The following PRICKLE2 variants were observed in gnomAD, a reference collection of about 807,000 sequenced individuals.
PRICKLE2 encodes prickle-like protein 2.
Under a neutral mutation model 81.4 loss-of-function variants are expected in PRICKLE2, and 21 were observed. That is an observed-to-expected ratio of 0.26 (90% CI 0.18 to 0.37). PRICKLE2 has a LOEUF of 0.37. Among genes scored for constraint, PRICKLE2 ranks in the 10% least tolerant of loss-of-function variants. The pLI is 1.00. For synonymous variants in PRICKLE2, 456 were observed against 421.5 expected (o/e 1.08, Z -1.00); for missense variants, 940 against 1,109.0 (o/e 0.85, Z 2.16).
chr3:64,185,785 G>A (rs757153668), intron 2 of PRICKLE2, among the ~76,000 whole-genome samples: 9 of 152,202 alleles, frequency 5.9e-5, no homozygotes, highest in Non-Finnish European at 7.4e-5. Flanking sequence ...TCACTTTATC[G>A]AGGTATCAAC....
chr3:64,226,953 TC>T (rs1478746551), upstream of PRICKLE2, among the ~76,000 whole-genome samples: 1 of 152,220 alleles, frequency 6.6e-6, no homozygotes, highest in African/African-American at 2.4e-5. Context: ...CTAGCACGGC[TC>T]CTTGCCCACA....
At position 64,099,526 on chromosome 3, in the gene PRICKLE2, G is replaced by T. The variant is rs145080657; in HGVS notation, c.2060C>A (p.Ser687Tyr). ...DDNRRFRPHR[S>Y]RRSRRSRSDN... ...GGAGCGAGAGCGTCGGGAACGCCTG[G>T]ACCTGTGAGGTCGGAAACGGCGGTT... The change falls in exon 8 of 8, where the codon TCC becomes TAC. Residue 687 changes from serine to tyrosine, a missense_variant. This residue lies in a region of PRICKLE2 where 670 missense variants were observed against 717.2 expected (regional missense o/e 0.93). Transcript: ENST00000638394. The surrounding 1 kb of genome is among the most constrained non-coding windows in gnomAD (Gnocchi z 4.3). 1 of 1,608,166 alleles carries T rather than the reference G, an allele frequency of 6.2e-7. No individual in the cohort carries two copies. Among genetic ancestry groups the T allele is most frequent in the Non-Finnish European group, 8.5e-7 (1 of 1,175,184 alleles).
intron 7 of PRICKLE2, among the ~76,000 whole-genome samples, chr3:64,136,374 G>C (rs573542299): frequency 1.3e-5 from 2 of 150,976 alleles, no homozygotes; most frequent in African/African-American, 4.9e-5. Context: ...GTGTGTGTTC[G>C]AAATGCTGAT....
chr3:64,263,182 G>A (rs543639415), intron 2 of PRICKLE2, among the ~76,000 whole-genome samples: 2 of 152,284 alleles, frequency 1.3e-5, no homozygotes, highest in South Asian at 4.1e-4. Context: ...CAATATCACA[G>A]TAAGAGAACC....
chr3:64,140,824 T>A (rs536334839), intron 7 of PRICKLE2, among the ~76,000 whole-genome samples: 131 of 152,242 alleles, frequency 8.6e-4, no homozygotes, highest in African/African-American at 3.1e-3. Flanking sequence ...TGCTTCTCTT[T>A]AGCATTGGCA....
chr3:64,251,163 G>A (rs966368017), intron 2 of PRICKLE2, among the ~76,000 whole-genome samples: 8 of 152,198 alleles, frequency 5.3e-5, no homozygotes, highest in Non-Finnish European at 8.8e-5. Context: ...CCCAGTCTGA[G>A]GGAGGCTGGT....
chr3:64,207,748 C>A (rs1379866272), intron 1 of PRICKLE2, among the ~76,000 whole-genome samples: 1 of 152,084 alleles, frequency 6.6e-6, no homozygotes, highest in Non-Finnish European at 1.5e-5. Context: ...ATCTGACAAC[C>A]AGATTTCACT....
rs943621420 is a variant in PRICKLE2, at chr3:64,247,379, T to C, written c.129-48412A>G. Among the ~76,000 whole-genome samples the C allele has an allele frequency of 2.6e-5, 4 of 152,338 alleles. No individual in the cohort carries two copies. In the East Asian group the frequency reaches 5.8e-4, roughly 22 times the overall value. The stretch of plus-strand genomic sequence containing the variant: ...ACTACCTTTCCATGTATTTATAGGC[T>C]ACAGATTATCCTTAAGTATTCTGAT... On this transcript the variant is annotated intron_variant, in intron 2 of 8. Transcript: ENST00000295902.
chr3:64,237,322 T>C (rs1462495877), intron 2 of PRICKLE2, among the ~76,000 whole-genome samples: 3 of 152,010 alleles, frequency 2.0e-5, no homozygotes, highest in Non-Finnish European at 4.4e-5. Context: ...CACAAATGAA[T>C]TGAAGATAAT....
chr3:64,219,711 A>C (rs1376663394), intron 1 of PRICKLE2, among the ~76,000 whole-genome samples: 1 of 152,232 alleles, frequency 6.6e-6, no homozygotes, highest in Non-Finnish European at 1.5e-5. Context: ...AGGGATTCAT[A>C]AAGGAGCTAT....
At position 64,095,835 on chromosome 3, in the gene PRICKLE2, T is replaced by G. The variant is rs1167355524; in HGVS notation, c.*3216A>C. On this transcript the variant is annotated 3_prime_UTR_variant, in exon 8 of 8. Coordinates refer to ENST00000638394, the MANE Select transcript of PRICKLE2 (RefSeq NM_198859.4). ...AACAACCCACACCAGGACTTCTTCC[T>G]TGGATGTATGAAAAACCAGGAAGCA... The G allele has an allele frequency of 6.6e-6, 1 of 152,206 alleles. No individual in the cohort carries two copies. The highest frequency in any genetic ancestry group is 1.5e-5 in the Non-Finnish European group (1 of 68,040). 9.4% of individuals were successfully genotyped at this position (152,206 alleles called of 1,614,324 possible). A position where few individuals can be genotyped will look rare whatever the true frequency, so the allele number is the denominator to read the frequency against.
intron 1 of PRICKLE2, among the ~76,000 whole-genome samples, chr3:64,203,472 GA>G (rs2078626193): frequency 2.0e-5 from 3 of 152,112 alleles, no homozygotes; most frequent in Non-Finnish European, 4.4e-5. Context: ...TCAAAATGTA[GA>G]AAACTTTTAC....
intron 7 of PRICKLE2, among the ~76,000 whole-genome samples, chr3:64,145,024 C>T (rs565921275): frequency 2.8e-4 from 41 of 149,066 alleles, no homozygotes; most frequent in Admixed American, 2.3e-3. Flanking sequence ...AGAAAATCTA[C>T]GTTACTCTAT....
intron 7 of PRICKLE2, among the ~76,000 whole-genome samples, chr3:64,123,592 C>T (rs2077062320): frequency 6.6e-6 from 1 of 152,236 alleles, no homozygotes; most frequent in Non-Finnish European, 1.5e-5. Context: ...ATTTTTCCAA[C>T]AGCCTGTGCT....
intron 2 of PRICKLE2, among the ~76,000 whole-genome samples, chr3:64,198,496 G>T (rs775849234): frequency 8.5e-5 from 13 of 152,064 alleles, no homozygotes; most frequent in Non-Finnish European, 1.8e-4. Context: ...AATACAAGAG[G>T]CTGTATTTCA....
intron 1 of PRICKLE2, among the ~76,000 whole-genome samples, chr3:64,206,847 A>G (rs1015476871): frequency 6.6e-6 from 1 of 152,238 alleles, no homozygotes; most frequent in African/African-American, 2.4e-5. Context: ...TTTGCTAAAT[A>G]ACAGATGTAT....
chr3:64,225,277 T>C lies in PRICKLE2; in HGVS notation c.-408A>G. ...GTTTCCTCTTAACTCCCCTTCTTCA[T>C]GACAATCTGAAGGAAGAAGTCATAG... On this transcript the variant is annotated 5_prime_UTR_variant, in exon 1 of 8. It removes an upstream start codon present in the reference 5' UTR. Coordinates refer to ENST00000638394, the MANE Select transcript of PRICKLE2 (RefSeq NM_198859.4). 1 of 985,480 alleles carries C rather than the reference T, an allele frequency of 1.0e-6. No homozygotes were observed. Among genetic ancestry groups the C allele is most frequent in the Non-Finnish European group, 1.2e-6 (1 of 830,004 alleles). The allele number at this position is 985,480 out of a possible 1,614,324, so 61.0% of individuals were successfully genotyped here. A position where few individuals can be genotyped will look rare whatever the true frequency, so the allele number is the denominator to read the frequency against.
At chr3:64,120,616 A>G (rs1287785605) in intron 7 of PRICKLE2, among the ~76,000 whole-genome samples, 1 of 152,214 alleles carries the variant, frequency 6.6e-6, no homozygotes, top group African/African-American at 2.4e-5. Context: ...TGAATCTCTG[A>G]CAAGCTTCTA....
rs2106931195 is a variant in PRICKLE2, at chr3:64,096,354, C to T, written c.*2697G>A. The stretch of plus-strand genomic sequence containing the variant: ...ATTAGGTGAGGACCTTAAGTTCTTG[C>T]CTCAGGAAATAATGCATTGGGAGTG... On this transcript the variant is annotated 3_prime_UTR_variant, in exon 8 of 8. Transcript: ENST00000638394. 1 of 152,246 alleles carries T rather than the reference C, an allele frequency of 6.6e-6. No individual in the cohort carries two copies. The highest frequency in any genetic ancestry group is 2.1e-4 in the South Asian group (1 of 4,824). The allele number at this position is 152,246 out of a possible 1,614,324, so 9.4% of individuals were successfully genotyped here.
Sources: gnomAD v4.1 joint callset for allele counts (sites outside exome capture counted in the v4.1 genomes callset) on GRCh38, gnomAD v4.1.1 for gene constraint, gnomAD v4.1.1 regional missense constraint, Gnocchi (gnomAD v3.1) non-coding constraint, MANE v1.5 for transcripts, NCBI Gene and HGNC (gene_info 2026-07-23, HGNC 2026-07-21) for gene names.